Variants in SLIT2 observed in about 807,000 individuals in gnomAD.
The protein encoded by SLIT2 is slit homolog 2 protein.
A neutral mutation model predicts 185.7 loss-of-function variants in SLIT2; 41 were observed. That is an observed-to-expected ratio of 0.22 (90% CI 0.17 to 0.29). SLIT2 has a LOEUF of 0.29. Among genes scored for constraint, SLIT2 ranks in the 10% least tolerant of loss-of-function variants. The pLI, the probability that SLIT2 is intolerant of heterozygous loss-of-function variation, is 1.00. For synonymous variants in SLIT2, 693 were observed against 680.2 expected (o/e 1.02, Z -0.29); for missense variants, 1,571 against 1,909.0 (o/e 0.82, Z 3.30).
intron 4 of SLIT2, among the ~76,000 whole-genome samples, chr4:20,466,487 TA>T (rs1470776482): frequency 6.6e-6 from 1 of 151,984 alleles, no homozygotes; most frequent in African/African-American, 2.4e-5. Flanking sequence ...GACTAGTATT[TA>T]TTTTTTTTAC....
intron 28 of SLIT2, among the ~76,000 whole-genome samples, chr4:20,568,026 A>G (rs1168342298): frequency 1.3e-5 from 2 of 152,112 alleles, no homozygotes; most frequent in African/African-American, 4.8e-5. Flanking sequence ...ACTGAAACAG[A>G]AAATTAACGA....
intron 4 of SLIT2, among the ~76,000 whole-genome samples, chr4:20,322,113 G>C (rs948270143): frequency 4.6e-5 from 7 of 152,110 alleles, no homozygotes; most frequent in Non-Finnish European, 7.4e-5. Context: ...TTCCAGACTT[G>C]TATTTCCTGC....
chr4:20,462,193 T>C (rs1390301835), intron 4 of SLIT2, among the ~76,000 whole-genome samples: 1 of 152,210 alleles, frequency 6.6e-6, no homozygotes, highest in Non-Finnish European at 1.5e-5. Context: ...TCATATCTTT[T>C]CTTTGGGATG....
In SLIT2 at chr4:20,581,645, C is replaced by G. The variant is rs933521822; in HGVS notation, c.3089-7999C>G. Among the ~76,000 whole-genome samples the G allele has an allele frequency of 5.3e-5, 8 of 152,148 alleles. No individual in the cohort carries two copies. The South Asian group carries it at 6.2e-4, about 12-fold the overall frequency. ...CACTGCTTTGGGCCATGTATATCTC[C>G]ACCCCACCCCTACCCTGTACAAGTG... On this transcript the variant is annotated intron_variant, in intron 29 of 36. Transcript: ENST00000504154.
chr4:20,442,055 T>C (rs907791309), intron 4 of SLIT2, among the ~76,000 whole-genome samples: 1 of 151,822 alleles, frequency 6.6e-6, no homozygotes, highest in African/African-American at 2.4e-5. Context: ...AATGTTATAG[T>C]TGGGGGTAGG....
intron 4 of SLIT2, among the ~76,000 whole-genome samples, chr4:20,436,360 C>T (rs1300626513): frequency 1.3e-5 from 2 of 152,180 alleles, no homozygotes. Flanking sequence ...ATTTCCATGG[C>T]TAGGCCTCTA....
At chr4:20,380,686 T>C (rs774380121) in intron 4 of SLIT2, among the ~76,000 whole-genome samples, 1 of 151,850 alleles carries the variant, frequency 6.6e-6, no homozygotes, top group Non-Finnish European at 1.5e-5. Flanking sequence ...AAAAAGTTAG[T>C]GACTTGAAGA....
intron 12 of SLIT2, among the ~76,000 whole-genome samples, chr4:20,520,761 G>C (rs1720770732): frequency 6.6e-6 from 1 of 152,030 alleles, no homozygotes; most frequent in African/African-American, 2.4e-5. Flanking sequence ...ATTATATGTA[G>C]TGCTCTCTTT....
chr4:20,483,885 GTAATCATACT>G (rs1255123310), intron 6 of SLIT2, among the ~76,000 whole-genome samples: 1 of 151,860 alleles, frequency 6.6e-6, no homozygotes, highest in Admixed American at 6.6e-5. Context: ...ACATACACAA[GTAATCATACT>G]TAACACTTAT....
chr4:20,335,981 C>A (rs552230356), intron 4 of SLIT2, among the ~76,000 whole-genome samples: 118 of 152,046 alleles, frequency 7.8e-4, no homozygotes, highest in African/African-American at 2.6e-3. Flanking sequence ...TGAGTTTAGC[C>A]GACCAACATG....
intron 4 of SLIT2, among the ~76,000 whole-genome samples, chr4:20,305,749 T>C (rs1294057913): frequency 6.6e-6 from 1 of 151,836 alleles, no homozygotes; most frequent in East Asian, 1.9e-4. Context: ...GGCGCTCAAC[T>C]GTAATCCCAG....
At chr4:20,427,099 G>T (rs1436568151) in intron 4 of SLIT2, among the ~76,000 whole-genome samples, 1 of 152,154 alleles carries the variant, frequency 6.6e-6, no homozygotes, top group African/African-American at 2.4e-5. Context: ...AAGATAAGCA[G>T]ACTTCAATCC....
intron 9 of SLIT2, among the ~76,000 whole-genome samples, chr4:20,509,847 A>C (rs910781359): frequency 6.6e-6 from 1 of 152,212 alleles, no homozygotes; most frequent in Non-Finnish European, 1.5e-5. Context: ...CCATAAAAAT[A>C]CTTCAGTTGT....
At position 20,392,604 on chromosome 4, in the gene SLIT2, A is replaced by T. The variant is rs115059107; in HGVS notation, c.396-75148A>T. On this transcript the variant is annotated intron_variant, in intron 4 of 36. Transcript: ENST00000504154. ...TTTATAATTTTTGACTCAAGATAAC[A>T]CAGCTTAAAACACAAGTACATTGTA... 1.7e-3 allele frequency among the ~76,000 whole-genome samples: 255 copies of T among 152,276 alleles called. 2 individuals carry two copies. Among genetic ancestry groups the T allele is most frequent in the African/African-American group, 6.0e-3 (249 of 41,570 alleles).
rs772858069 is a variant in SLIT2 at position 20,253,519 on chromosome 4, TCTC to T, written c.-293_-291del. 8 of 405,948 alleles carry T rather than the reference TCTC, an allele frequency of 2.0e-5. No individual in the cohort carries two copies. Among genetic ancestry groups the T allele is most frequent in the Non-Finnish European group, 3.1e-5 (7 of 226,088 alleles). 25.1% of individuals were successfully genotyped at this position (405,948 alleles called of 1,614,324 possible). ...TCCTTGGGAGACAGAAGACGCGTGA[TCTC>T]CTCTCCGCTGCTCTTGGGGTCTCCT... is the stretch of plus-strand genomic sequence containing the variant. On this transcript the variant is annotated 5_prime_UTR_variant, in exon 1 of 37. Transcript: ENST00000504154.
intron 29 of SLIT2, among the ~76,000 whole-genome samples, chr4:20,587,293 C>T (rs555530519): frequency 6.6e-6 from 1 of 152,278 alleles, no homozygotes; most frequent in East Asian, 1.9e-4. Flanking sequence ...TCGGGGATTA[C>T]AGGCATGAGC....
At chr4:20,262,947 A>T (rs151011723) in intron 3 of SLIT2, among the ~76,000 whole-genome samples, 1 of 151,880 alleles carries the variant, frequency 6.6e-6, no homozygotes, top group African/African-American at 2.4e-5. Flanking sequence ...ATTCTGAAGC[A>T]GTGAGGGTGT....
chr4:20,548,458 T>A, intron 22 of SLIT2, 30 bp from the exon 23 acceptor site: 1 of 1,108,778 alleles, frequency 9.0e-7, no homozygotes, highest in Non-Finnish European at 1.4e-6. Flanking sequence ...CTGTGGTTAA[T>A]AGTGTACTCC....
chr4:20,579,301 G>GAA (rs574131534), intron 29 of SLIT2, among the ~76,000 whole-genome samples: 2 of 129,048 alleles, frequency 1.5e-5, no homozygotes, highest in African/African-American at 2.9e-5. Context: ...TCCGTCTAGG[G>GAA]AAAAAAAAAA....
Sources: allele counts gnomAD v4.1 joint callset (sites outside exome capture counted in the v4.1 genomes callset), GRCh38; gene constraint gnomAD v4.1.1; transcripts MANE v1.5; gene names NCBI Gene and HGNC (gene_info 2026-07-23, HGNC 2026-07-21).